CHST11: variants seen among roughly 807,000 people sequenced by gnomAD.
CHST11 encodes the protein carbohydrate sulfotransferase 11.
CHST11 carries 9 observed loss-of-function variants against 30.4 expected under a neutral mutation model. The observed-to-expected ratio is 0.30, with a 90% CI of 0.18 to 0.52. The LOEUF (loss-of-function observed/expected upper bound fraction) is 0.52, where lower values mean the gene tolerates loss of function less well. CHST11 is among the 20% of genes least tolerant of loss of function. The pLI is 0.97. For synonymous variants in CHST11, 152 were observed against 187.8 expected, an observed-to-expected ratio of 0.81 and a Z score of 1.56; for missense variants, 348 against 460.6, an observed-to-expected ratio of 0.76 and a Z score of 2.24.
In CHST11 at chr12:104,756,532, G is replaced by GGGGTGTGTGTGTGTGTGTGTGT. The variant is rs1555250374; in HGVS notation, c.205-416_205-415insGGTGTGTGTGTGTGTGTGTGTG. On this transcript the variant is annotated intron_variant, in intron 2 of 2. Transcript: ENST00000303694. ...CATCATGAGGTCTGGATCCATGTGG[G>GGGGTGTGTGTGTGTGTGTGTGT]GTGTGTGTGTGTGTGTGTGTGTGTG... is the stretch of plus-strand genomic sequence containing the variant. Among the ~76,000 whole-genome samples, 111 of 143,396 alleles carry GGGGTGTGTGTGTGTGTGTGTGT rather than the reference G, an allele frequency of 7.7e-4. 1 individual carries two copies. The highest frequency in any genetic ancestry group is 1.4e-3 in the Non-Finnish European group (91 of 65,796). The allele number at this position is 143,396 out of a possible 152,430, so 94.1% of individuals were successfully genotyped here.
intron 1 of CHST11, among the ~76,000 whole-genome samples, chr12:104,469,831 A>T (rs975975078): frequency 1.3e-5 from 2 of 152,220 alleles, no homozygotes; most frequent in Non-Finnish European, 2.9e-5. Context: ...CCAGGCTCAC[A>T]TTTGAAATAG....
intron 1 of CHST11, among the ~76,000 whole-genome samples, chr12:104,554,940 TG>T (rs2038441063): frequency 6.6e-6 from 1 of 152,066 alleles, no homozygotes; most frequent in South Asian, 2.1e-4. Context: ...CCGGGGTTGG[TG>T]GGGAGGTATG....
intron 2 of CHST11, among the ~76,000 whole-genome samples, chr12:104,711,660 A>C (rs923041355): frequency 5.9e-5 from 9 of 152,196 alleles, no homozygotes; most frequent in Non-Finnish European, 1.3e-4. Context: ...AAAGGGCCTG[A>C]GAGGGTGAAG....
chr12:104,469,466 G>T (rs572662657), intron 1 of CHST11, among the ~76,000 whole-genome samples: 8 of 152,188 alleles, frequency 5.3e-5, no homozygotes, highest in Non-Finnish European at 2.9e-5. Flanking sequence ...GCTGAACTCC[G>T]AGGAGGATGA....
intron 2 of CHST11, among the ~76,000 whole-genome samples, chr12:104,723,650 C>A (rs938945114): frequency 3.9e-5 from 6 of 152,076 alleles, no homozygotes; most frequent in African/African-American, 1.4e-4. Context: ...GAGGTGGTGC[C>A]CAAATTAGAC....
At chr12:104,725,225 A>G (rs1020874427) in intron 2 of CHST11, among the ~76,000 whole-genome samples, 4 of 152,214 alleles carry the variant, frequency 2.6e-5, no homozygotes, top group Non-Finnish European at 5.9e-5. Flanking sequence ...TGTCGTTAGC[A>G]TAGCAAGCGT....
intron 1 of CHST11, among the ~76,000 whole-genome samples, chr12:104,472,126 T>G (rs2135954902): frequency 6.8e-6 from 1 of 147,936 alleles, no homozygotes; most frequent in South Asian, 2.2e-4. Flanking sequence ...TTAGCTAATT[T>G]TTGATTTTTT....
intron 1 of CHST11, among the ~76,000 whole-genome samples, chr12:104,470,869 G>T (rs2037502489): frequency 6.6e-6 from 1 of 152,166 alleles, no homozygotes; most frequent in South Asian, 2.1e-4. Flanking sequence ...CATGTTCTTG[G>T]TTTCAGATAA....
chr12:104,607,822 G>A (rs373899347), intron 2 of CHST11, among the ~76,000 whole-genome samples: 5 of 152,262 alleles, frequency 3.3e-5, no homozygotes, highest in African/African-American at 1.2e-4. Flanking sequence ...CCTATTGGCA[G>A]GGTTGGAGGT....
chr12:104,573,691 C>T lies in CHST11; in HGVS notation c.119-28215C>T, dbSNP rs1258111802. Reference sequence around the variant, plus strand: ...GCTAAAACTGGATCCCTTCCTTACACCTTATACAAAAATTAATTCAAGATG... The same window carrying T: ...GCTAAAACTGGATCCCTTCCTTACATCTTATACAAAAATTAATTCAAGATG... On this transcript the variant is annotated intron_variant, in intron 1 of 2. Coordinates refer to ENST00000303694, the MANE Select transcript of CHST11 (RefSeq NM_018413.6). Among the ~76,000 whole-genome samples, 10 of 152,172 alleles carry T rather than the reference C, an allele frequency of 6.6e-5. No homozygotes were observed. The East Asian group carries it at 1.5e-3, about 23-fold the overall frequency.
intron 1 of CHST11, among the ~76,000 whole-genome samples, chr12:104,518,770 C>G (rs1183123634): frequency 1.3e-5 from 2 of 152,128 alleles, no homozygotes; most frequent in African/African-American, 4.8e-5. Context: ...ATGAATATAG[C>G]ATCCTTTAGC....
chr12:104,522,709 T>G (rs2038085293), intron 1 of CHST11, among the ~76,000 whole-genome samples: 1 of 152,136 alleles, frequency 6.6e-6, no homozygotes, highest in African/African-American at 2.4e-5. Context: ...CTTGAACTCC[T>G]GGCCTCAGGC....
At chr12:104,580,115 C>A (rs753646750) in intron 1 of CHST11, among the ~76,000 whole-genome samples, 7 of 152,180 alleles carry the variant, frequency 4.6e-5, no homozygotes, top group Non-Finnish European at 8.8e-5. Flanking sequence ...GGCCCTTCAG[C>A]TAGTTCATTA....
intron 2 of CHST11, among the ~76,000 whole-genome samples, chr12:104,682,051 T>G (rs1027318475): frequency 3.9e-5 from 6 of 152,060 alleles, no homozygotes; most frequent in African/African-American, 1.4e-4. Context: ...GCCAAGATGG[T>G]CTCGATCTCC....
chr12:104,586,769 A>C (rs2038809120), intron 1 of CHST11, among the ~76,000 whole-genome samples: 1 of 152,264 alleles, frequency 6.6e-6, no homozygotes, highest in African/African-American at 2.4e-5. Context: ...GATAAATGCA[A>C]AGTAAACGTA....
intron 2 of CHST11, among the ~76,000 whole-genome samples, chr12:104,744,881 ATTTATTTT>A (rs1478896674): frequency 1.3e-5 from 2 of 148,568 alleles, no homozygotes. Flanking sequence ...TTATTTATTT[ATTTATTTT>A]TTGAGACAGA....
rs1263624367 is a variant in CHST11, at chr12:104,755,980, AT to A, written c.205-968del. Among the ~76,000 whole-genome samples, 8 of 152,090 alleles carry A rather than the reference AT, an allele frequency of 5.3e-5. No homozygotes were observed. The East Asian group carries it at 1.5e-3, about 29-fold the overall frequency. On this transcript the variant is annotated intron_variant, in intron 2 of 2. Transcript: ENST00000303694. ...TGGAAAAGTAGGTTGGCATTGGGCT[AT>A]GGAGAACCCCAAAAGGCCAGTGTAT...
chr12:104,580,047 G>C (rs2038725483), intron 1 of CHST11, among the ~76,000 whole-genome samples: 1 of 152,150 alleles, frequency 6.6e-6, no homozygotes, highest in African/African-American at 2.4e-5. Context: ...TTATTCTAAT[G>C]GACATTTGAA....
At chr12:104,660,868 G>C (rs1441997011) in intron 2 of CHST11, among the ~76,000 whole-genome samples, 1 of 152,214 alleles carries the variant, frequency 6.6e-6, no homozygotes, top group Non-Finnish European at 1.5e-5. Context: ...GTTAAAGGAT[G>C]CTGGAGTTCA....
Sources: allele counts gnomAD v4.1 joint callset (sites outside exome capture counted in the v4.1 genomes callset), GRCh38; gene constraint gnomAD v4.1.1; transcripts MANE v1.5; gene names NCBI Gene and HGNC (gene_info 2026-07-23, HGNC 2026-07-21).